Variants in PTCHD4 observed in about 807,000 individuals in gnomAD.
PTCHD4 encodes the protein patched domain containing 4, also known as patched domain-containing protein 4.
In PTCHD4, 33 loss-of-function variants were observed where a neutral mutation model predicts 58.1. The observed-to-expected ratio is 0.57, with a 90% confidence interval of 0.43 to 0.76. The LOEUF (loss-of-function observed/expected upper bound fraction) is 0.76, where lower values mean the gene tolerates loss of function less well. PTCHD4 is among the 30% of genes least tolerant of loss of function. The pLI is 0.00. For missense variants in PTCHD4, 1,058 were observed against 1,027.1 expected (o/e 1.03, Z -0.41); for synonymous variants, 478 against 409.6 (o/e 1.17, Z -2.02).
chr6:47,965,211 T>C (rs1179998295), intron 4 of PTCHD4, among the ~76,000 whole-genome samples: 1 of 152,214 alleles, frequency 6.6e-6, no homozygotes, highest in African/African-American at 2.4e-5. Context: ...TAAGCAAATT[T>C]GAATGCCCTG....
At chr6:47,951,975 G>A (rs941559276) in intron 4 of PTCHD4, among the ~76,000 whole-genome samples, 4 of 152,070 alleles carry the variant, frequency 2.6e-5, no homozygotes, top group African/African-American at 9.7e-5. Context: ...GTTTAGAAGA[G>A]AAACAAAGGA....
chr6:47,934,935 T>A (rs1321394370), intron 4 of PTCHD4, among the ~76,000 whole-genome samples: 1 of 152,226 alleles, frequency 6.6e-6, no homozygotes, highest in Non-Finnish European at 1.5e-5. Flanking sequence ...AGTATTAAAT[T>A]AAGTTTTAAA....
chr6:47,887,098 T>C (rs1764217414), intron 4 of PTCHD4, among the ~76,000 whole-genome samples: 1 of 152,048 alleles, frequency 6.6e-6, no homozygotes, highest in African/African-American at 2.4e-5. Flanking sequence ...GAATTGGCCA[T>C]GATCTACATG....
chr6:48,066,605 G>A (rs921461381), intron 3 of PTCHD4, among the ~76,000 whole-genome samples: 8 of 152,170 alleles, frequency 5.3e-5, no homozygotes, highest in Non-Finnish European at 1.0e-4. Flanking sequence ...AGGATTCGGG[G>A]AAATGAAAAG....
chr6:47,995,335 T>C (rs923253330), intron 4 of PTCHD4, among the ~76,000 whole-genome samples: 1 of 152,184 alleles, frequency 6.6e-6, no homozygotes, highest in African/African-American at 2.4e-5. Flanking sequence ...CTGGGAGGCA[T>C]TGGGGCAGCA....
chr6:47,954,531 G>C (rs1040318090), intron 4 of PTCHD4, among the ~76,000 whole-genome samples: 1 of 152,210 alleles, frequency 6.6e-6, no homozygotes, highest in Admixed American at 6.5e-5. Context: ...TATGAAACCT[G>C]TGTCTAGTGA....
At position 47,992,330 on chromosome 6, in the gene PTCHD4, C is replaced by A. The variant is rs960805857; in HGVS notation, c.898+16304G>T. Among the ~76,000 whole-genome samples, 6 of 152,180 alleles carry A rather than the reference C, an allele frequency of 3.9e-5. No individual in the cohort carries two copies. In the South Asian group the frequency reaches 8.3e-4, roughly 21 times the overall value. ...ACACACACACATACATATGCACGCACGTAATAACATATGTGGTGAAACTAT... is the reference window on the plus strand; with the variant it reads ...ACACACACACATACATATGCACGCAAGTAATAACATATGTGGTGAAACTAT... On this transcript the variant is annotated intron_variant, in intron 4 of 4. Transcript: ENST00000339488.
At chr6:47,940,320 T>C (rs186806579) in intron 4 of PTCHD4, among the ~76,000 whole-genome samples, 1 of 151,462 alleles carries the variant, frequency 6.6e-6, no homozygotes, top group East Asian at 1.9e-4. Flanking sequence ...CCATGCAGTA[T>C]AATTAAGAAG....
intron 4 of PTCHD4, among the ~76,000 whole-genome samples, chr6:47,933,455 T>G (rs1752992547): frequency 6.6e-6 from 1 of 152,220 alleles, no homozygotes; most frequent in Non-Finnish European, 1.5e-5. Flanking sequence ...GCTGAAATCA[T>G]TTTAGTCTAA....
chr6:48,108,905 A>C (rs532902518), intron 1 of PTCHD4, among the ~76,000 whole-genome samples: 3 of 152,166 alleles, frequency 2.0e-5, no homozygotes, highest in Admixed American at 6.5e-5. Flanking sequence ...AATGGGAAAA[A>C]AGACAATTCA....
rs993979694 is a variant in PTCHD4 at position 47,905,853 on chromosome 6, C to T, written c.899-25917G>A. ...TACCCTTTTTCTTGTTGCTACCAGT[C>T]GGCCTATGGCTTGCCATCAGCACCT... On this transcript the variant is annotated intron_variant, in intron 4 of 4. Coordinates refer to ENST00000339488, the MANE Select transcript of PTCHD4 (RefSeq NM_001384253.1). 5.9e-5 allele frequency among the ~76,000 whole-genome samples: 9 copies of T among 152,316 alleles called. No individual in the cohort carries two copies. In the South Asian group the frequency reaches 8.3e-4, roughly 14 times the overall value.
At chr6:48,091,702 A>AG (rs1452603981) in intron 1 of PTCHD4, among the ~76,000 whole-genome samples, 1 of 124,444 alleles carries the variant, frequency 8.0e-6, no homozygotes, top group East Asian at 2.7e-4. Context: ...GATGGAGTGT[A>AG]GTGGCACAAT....
At chr6:47,946,533 C>T (rs1766424726) in intron 4 of PTCHD4, among the ~76,000 whole-genome samples, 1 of 151,964 alleles carries the variant, frequency 6.6e-6, no homozygotes. Flanking sequence ...TATTGGCTGA[C>T]TTGTATTTTT....
intron 4 of PTCHD4, among the ~76,000 whole-genome samples, chr6:47,923,285 G>A (rs1765490939): frequency 6.6e-6 from 1 of 151,968 alleles, no homozygotes. Context: ...TTTCTTTACA[G>A]GCTTTCTTTT....
intron 1 of PTCHD4, among the ~76,000 whole-genome samples, chr6:48,093,615 G>A (rs1022148596): frequency 2.0e-5 from 3 of 152,064 alleles, no homozygotes; most frequent in Admixed American, 2.0e-4. Context: ...GGGAGAAATT[G>A]CTGGAAAAGA....
chr6:47,995,512 C>G (rs952625352), intron 4 of PTCHD4, among the ~76,000 whole-genome samples: 6 of 152,150 alleles, frequency 3.9e-5, no homozygotes, highest in Non-Finnish European at 8.8e-5. Context: ...GACAGAGATT[C>G]TCACTCACTT....
chr6:47,891,125 A>C (rs1173277556), intron 4 of PTCHD4, among the ~76,000 whole-genome samples: 1 of 149,132 alleles, frequency 6.7e-6, no homozygotes, highest in Non-Finnish European at 1.5e-5. Flanking sequence ...GGGAGGCTGA[A>C]GTGGGAGGAT....
intron 4 of PTCHD4, among the ~76,000 whole-genome samples, chr6:47,944,800 C>T (rs889595272): frequency 1.3e-5 from 2 of 152,144 alleles, no homozygotes; most frequent in East Asian, 1.9e-4. Flanking sequence ...GAGTTAGGTG[C>T]CGGAAATACA....
intron 3 of PTCHD4, among the ~76,000 whole-genome samples, chr6:48,061,878 C>A (rs1021036368): frequency 2.0e-5 from 3 of 152,232 alleles, no homozygotes; most frequent in Admixed American, 2.0e-4. Context: ...GGGGAGGAGA[C>A]TTGAGTGATT....
Sources: allele counts gnomAD v4.1 joint callset (sites outside exome capture counted in the v4.1 genomes callset), GRCh38; gene constraint gnomAD v4.1.1; transcripts MANE v1.5; gene names NCBI Gene and HGNC (gene_info 2026-07-23, HGNC 2026-07-21).